NFIA: variants seen among roughly 807,000 people sequenced by gnomAD.
The protein encoded by NFIA is nuclear factor I A, also known as nuclear factor 1 A-type.
In NFIA, 8 loss-of-function variants were observed where a neutral mutation model predicts 62.8. The ratio of observed to expected loss-of-function variants is 0.13; its 90% confidence interval spans 0.07 to 0.23. The LOEUF (loss-of-function observed/expected upper bound fraction) is 0.23, where lower values mean the gene tolerates loss of function less well. NFIA is among the 10% of genes least tolerant of loss of function. NFIA has a pLI of 1.00. For synonymous variants in NFIA, 235 were observed against 238.1 expected (o/e 0.99, Z 0.12); for missense variants, 410 against 642.1 (o/e 0.64, Z 3.91).
chr1:61,149,199 A>G (rs1261246802), intron 2 of NFIA, among the ~76,000 whole-genome samples: 1 of 152,028 alleles, frequency 6.6e-6, no homozygotes, highest in African/African-American at 2.4e-5. Context: ...CCCAGCCTGA[A>G]CCATTTCCTT....
chr1:61,435,139 A>C (rs1274918402), intron 10 of NFIA, among the ~76,000 whole-genome samples: 1 of 152,188 alleles, frequency 6.6e-6, no homozygotes, highest in Non-Finnish European at 1.5e-5. Context: ...AGGGAAATGT[A>C]CTGGGTACTC....
intron 4 of NFIA, among the ~76,000 whole-genome samples, chr1:61,341,838 T>C (rs1170398435): frequency 6.6e-6 from 1 of 152,210 alleles, no homozygotes; most frequent in Non-Finnish European, 1.5e-5. Context: ...TTTTTAATGG[T>C]GGATATTCAT....
chr1:61,350,792 A>G (rs1410896592), intron 4 of NFIA, among the ~76,000 whole-genome samples: 2 of 152,176 alleles, frequency 1.3e-5, no homozygotes, highest in East Asian at 1.9e-4. Flanking sequence ...TCCTCTACCT[A>G]GAAGTCCTCC....
chr1:61,191,681 G>A (rs764884662), intron 2 of NFIA, among the ~76,000 whole-genome samples: 70 of 152,224 alleles, frequency 4.6e-4, no homozygotes, highest in Admixed American at 5.2e-4. Context: ...TGATGCCATG[G>A]CATTCAAATC....
rs1557730865 is a variant in NFIA at position 61,359,414 on chromosome 1, A to G, written c.946+140A>G. The G allele has an allele frequency of 1.4e-5, 17 of 1,220,322 alleles. No individual in the cohort carries two copies. The East Asian group carries it at 2.5e-4, about 18-fold the overall frequency. The allele number at this position is 1,220,322 out of a possible 1,614,324, so 75.6% of individuals were successfully genotyped here. A position where few individuals can be genotyped will look rare whatever the true frequency, so the allele number is the denominator to read the frequency against. On this transcript the variant is annotated intron_variant, in intron 6 of 10. Coordinates refer to ENST00000403491, the MANE Select transcript of NFIA (RefSeq NM_001134673.4). ...CAGGATGAGCACTTGTTTGTATTGT[A>G]ATCTGATTGCCACATTCATAAAAGG...
At chr1:61,266,304 T>C (rs1657160656) in intron 2 of NFIA, among the ~76,000 whole-genome samples, 2 of 152,158 alleles carry the variant, frequency 1.3e-5, no homozygotes, top group South Asian at 4.1e-4. Context: ...TATTGACCTT[T>C]CCCAAGAGAG....
chr1:61,405,924 C>T (rs1665796192), intron 8 of NFIA, among the ~76,000 whole-genome samples: 1 of 151,964 alleles, frequency 6.6e-6, no homozygotes, highest in Non-Finnish European at 1.5e-5. Context: ...GATATTTTTC[C>T]CTAGCAGACT....
chr1:61,177,804 A>G (rs745622305), intron 2 of NFIA, among the ~76,000 whole-genome samples: 1 of 151,636 alleles, frequency 6.6e-6, no homozygotes, highest in Non-Finnish European at 1.5e-5. Flanking sequence ...TAATAAACCA[A>G]CTCTATTATT....
chr1:61,253,232 A>G (rs1656163575), intron 2 of NFIA, among the ~76,000 whole-genome samples: 1 of 152,220 alleles, frequency 6.6e-6, no homozygotes, highest in African/African-American at 2.4e-5. Flanking sequence ...GCAGAAGGTT[A>G]GTGTCAGAGA....
intron 4 of NFIA, among the ~76,000 whole-genome samples, chr1:61,334,173 A>C (rs1267789632): frequency 6.6e-6 from 1 of 152,168 alleles, no homozygotes; most frequent in Non-Finnish European, 1.5e-5. Context: ...TGTGGGAGTC[A>C]AGGACTCCCA....
At position 61,277,577 on chromosome 1, in the gene NFIA, C is replaced by T; in HGVS notation, c.617C>T (p.Pro206Leu). 6.2e-7 allele frequency: 1 copy of T among 1,613,678 alleles called. No individual in the cohort carries two copies. The highest frequency in any genetic ancestry group is 1.1e-5 in the South Asian group (1 of 91,060). ...QPSDADIKDQPENGHLGFQDS... is the reference protein window; with the variant it reads ...QPSDADIKDQLENGHLGFQDS... ...AGTGACGCTGACATTAAGGACCAGC[C>T]AGAAAATGGTAAGTTTAGCTTGGGA... The change falls in exon 3 of 11, where the codon CCA becomes CTA. Residue 206 changes from proline to leucine, a missense_variant. This residue lies in a region of NFIA where 298 missense variants were observed against 438.1 expected (regional missense o/e 0.68). Transcript: ENST00000403491.
intron 2 of NFIA, among the ~76,000 whole-genome samples, chr1:61,217,625 A>G (rs1653718044): frequency 6.6e-6 from 1 of 152,188 alleles, no homozygotes; most frequent in Non-Finnish European, 1.5e-5. Context: ...GAAAAGCTCA[A>G]GATTGGGAAA....
At chr1:61,200,556 T>C (rs1272301553) in intron 2 of NFIA, among the ~76,000 whole-genome samples, 1 of 152,176 alleles carries the variant, frequency 6.6e-6, no homozygotes, top group African/African-American at 2.4e-5. Context: ...CTGATGGAGC[T>C]TCTGCTATAA....
chr1:61,314,461 T>C (rs890858557), intron 3 of NFIA, among the ~76,000 whole-genome samples: 1 of 152,206 alleles, frequency 6.6e-6, no homozygotes, highest in Non-Finnish European at 1.5e-5. Context: ...AACCCATGTC[T>C]GACTTATAAA....
chr1:61,434,318 G>A (rs1413196273), intron 10 of NFIA, among the ~76,000 whole-genome samples: 1 of 152,108 alleles, frequency 6.6e-6, no homozygotes. Flanking sequence ...TCGCAGAGAT[G>A]AGTTACTCAT....
At chr1:61,297,000 A>G (rs1659221970) in intron 3 of NFIA, among the ~76,000 whole-genome samples, 1 of 152,208 alleles carries the variant, frequency 6.6e-6, no homozygotes, top group African/African-American at 2.4e-5. Context: ...TGTGAAGTAC[A>G]TGGCATAAAC....
At chr1:61,185,051 C>T (rs1557621541) in intron 2 of NFIA, among the ~76,000 whole-genome samples, 1 of 152,164 alleles carries the variant, frequency 6.6e-6, no homozygotes, top group Non-Finnish European at 1.5e-5. Flanking sequence ...GTTTTAATGT[C>T]TAAGGATAGC....
chr1:61,434,952 G>GA (rs1249781470), intron 10 of NFIA, among the ~76,000 whole-genome samples: 5 of 152,110 alleles, frequency 3.3e-5, no homozygotes, highest in Non-Finnish European at 7.4e-5. Context: ...AAAAGGGTTG[G>GA]AAAAAGGAGT....
chr1:61,387,468 C>CTGTTTTTTT (rs1171901984), intron 7 of NFIA, among the ~76,000 whole-genome samples: 7 of 95,478 alleles, frequency 7.3e-5, no homozygotes, highest in African/African-American at 2.9e-4. Flanking sequence ...CAAGCACTTT[C>CTGTTTTTTT]TTTTTTTTTT....
Sources: gnomAD v4.1 joint callset for allele counts (sites outside exome capture counted in the v4.1 genomes callset) on GRCh38, gnomAD v4.1.1 for gene constraint, gnomAD v4.1.1 regional missense constraint, MANE v1.5 for transcripts, NCBI Gene and HGNC (gene_info 2026-07-23, HGNC 2026-07-21) for gene names.